The following CARMIL1 variants were observed in gnomAD, a reference collection of about 807,000 sequenced individuals.
CARMIL1 encodes capping protein regulator and myosin 1 linker 1, also known as F-actin-uncapping protein LRRC16A.
Under a neutral mutation model 177.1 loss-of-function variants are expected in CARMIL1, and 90 were observed. That is an observed-to-expected ratio of 0.51 (90% CI 0.43 to 0.61). CARMIL1 has a LOEUF of 0.61. Ranked by LOEUF, CARMIL1 falls within the 20% of genes least tolerant of loss-of-function variation. The pLI is 0.00. For missense variants in CARMIL1, 1,380 were observed against 1,667.0 expected (o/e 0.83, Z 3.00); for synonymous variants, 577 against 606.2 (o/e 0.95, Z 0.71).
intron 24 of CARMIL1, among the ~76,000 whole-genome samples, chr6:25,530,884 A>T (rs1262034907): frequency 6.6e-6 from 1 of 152,228 alleles, no homozygotes; most frequent in Admixed American, 6.5e-5. Context: ...GGGCAGCCAT[A>T]ATCACAACTT....
At chr6:25,605,970 C>A in intron 34 of CARMIL1, 91 bp from the exon 35 acceptor site, 1 of 805,722 alleles carries the variant, frequency 1.2e-6, no homozygotes, top group Non-Finnish European at 2.0e-6. Flanking sequence ...GAAACGATGG[C>A]AAATGATTAC....
intron 16 of CARMIL1, among the ~76,000 whole-genome samples, chr6:25,496,861 A>G (rs1348341564): frequency 6.6e-6 from 1 of 152,224 alleles, no homozygotes; most frequent in African/African-American, 2.4e-5. Flanking sequence ...TTACTTTTGT[A>G]TAATATAGAG....
At chr6:25,315,251 T>C (rs1383818472) in intron 2 of CARMIL1, among the ~76,000 whole-genome samples, 2 of 152,200 alleles carry the variant, frequency 1.3e-5, no homozygotes, top group Non-Finnish European at 2.9e-5. Flanking sequence ...GTCTATCCTG[T>C]TTAATCCTAG....
chr6:25,390,415 G>A lies in CARMIL1; in HGVS notation c.139-29699G>A, dbSNP rs1410531363. ...TGGCTCATTGCAACCTCTGCCTCTT[G>A]GGCTCAAGTGATCCTCCCACCTCAG... On this transcript the variant is annotated intron_variant, in intron 2 of 36. Transcript: ENST00000329474. Among the ~76,000 whole-genome samples the A allele has an allele frequency of 2.8e-5, 4 of 145,258 alleles. No individual in the cohort carries two copies. In the Admixed American group the frequency reaches 2.9e-4, roughly 10 times the overall value.
chr6:25,610,953 C>G (rs1816461844), intron 36 of CARMIL1, among the ~76,000 whole-genome samples: 1 of 152,104 alleles, frequency 6.6e-6, no homozygotes, highest in Non-Finnish European at 1.5e-5. Flanking sequence ...TGGAGCCACA[C>G]AAGTCGTCTA....
At chr6:25,307,037 C>A (rs1185042471) in intron 2 of CARMIL1, among the ~76,000 whole-genome samples, 1 of 152,048 alleles carries the variant, frequency 6.6e-6, no homozygotes, top group East Asian at 1.9e-4. Context: ...TGCCACCACG[C>A]CTGGCTAATT....
rs142278447 is a variant in CARMIL1, at chr6:25,303,598, C to G, written c.138+18689C>G. 5.8e-4 allele frequency among the ~76,000 whole-genome samples: 89 copies of G among 152,348 alleles called. 1 individual carries two copies. The highest frequency in any genetic ancestry group is 2.1e-3 in the African/African-American group (87 of 41,572). Reference sequence around the variant, plus strand: ...GCGCCAATTATCATCTCACAGGACACTGGTGTTCCAGGGAACTTGGAGAAA... The same window carrying G: ...GCGCCAATTATCATCTCACAGGACAGTGGTGTTCCAGGGAACTTGGAGAAA... On this transcript the variant is annotated intron_variant, in intron 2 of 36. Transcript: ENST00000329474.
intron 1 of CARMIL1, among the ~76,000 whole-genome samples, chr6:25,282,169 A>G (rs539297221): frequency 9.2e-5 from 14 of 151,766 alleles, no homozygotes; most frequent in Admixed American, 4.6e-4. Context: ...AAACAATTTA[A>G]ATGTAGAGAA....
intron 2 of CARMIL1, among the ~76,000 whole-genome samples, chr6:25,411,428 A>G (rs79647313): frequency 0.01 from 1,525 of 152,296 alleles, 21 homozygotes; most frequent in African/African-American, 0.033. Context: ...AAGAAGACCT[A>G]TCATTACTCT....
chr6:25,547,046 A>G (rs1033534325), intron 26 of CARMIL1, among the ~76,000 whole-genome samples: 2 of 152,190 alleles, frequency 1.3e-5, no homozygotes, highest in Non-Finnish European at 2.9e-5. Flanking sequence ...TAACAGAGCG[A>G]GACTCCATCT....
intron 29 of CARMIL1, among the ~76,000 whole-genome samples, chr6:25,559,101 A>G (rs1057032914): frequency 1.3e-5 from 2 of 152,160 alleles, no homozygotes; most frequent in Admixed American, 6.5e-5. Flanking sequence ...AGCCACCCAA[A>G]GATAGAACCT....
chr6:25,486,195 G>A (rs1347755012), intron 12 of CARMIL1, among the ~76,000 whole-genome samples: 1 of 152,130 alleles, frequency 6.6e-6, no homozygotes, highest in Admixed American at 6.5e-5. Context: ...GGCTGTAAGA[G>A]CCTTGATTTT....
At chr6:25,331,703 C>T (rs1017199273) in intron 2 of CARMIL1, among the ~76,000 whole-genome samples, 10 of 152,242 alleles carry the variant, frequency 6.6e-5, no homozygotes, top group East Asian at 1.9e-4. Context: ...TAGAAAGCTA[C>T]GTGACTGGAC....
chr6:25,310,717 A>T (rs755036653), intron 2 of CARMIL1, among the ~76,000 whole-genome samples: 10 of 152,204 alleles, frequency 6.6e-5, no homozygotes, highest in Non-Finnish European at 1.5e-4. Flanking sequence ...GAACCTAGAA[A>T]GCTGAAGATC....
At chr6:25,492,702 C>T (rs1234295808) in intron 15 of CARMIL1, among the ~76,000 whole-genome samples, 2 of 152,180 alleles carry the variant, frequency 1.3e-5, no homozygotes, top group East Asian at 3.9e-4. Context: ...TTTTAAATAA[C>T]ATGGGTATTG....
At chr6:25,601,727 C>T (rs1815423681) in intron 33 of CARMIL1, among the ~76,000 whole-genome samples, 1 of 152,112 alleles carries the variant, frequency 6.6e-6, no homozygotes, top group Non-Finnish European at 1.5e-5. Context: ...TTGCTGAGTT[C>T]CCCCCAAATC....
At position 25,352,203 on chromosome 6, in the gene CARMIL1, A is replaced by G. The variant is rs375344052; in HGVS notation, c.138+67294A>G. Among the ~76,000 whole-genome samples the G allele has an allele frequency of 9.5e-4, 144 of 152,006 alleles. 4 individuals carry two copies. In the South Asian group the frequency reaches 0.023, roughly 24 times the overall value. Reference sequence around the variant, plus strand: ...TATAGGTGACTACATAAATGACCCCAGATAACAGGAACTGGACAATGGAGG... The same window carrying G: ...TATAGGTGACTACATAAATGACCCCGGATAACAGGAACTGGACAATGGAGG... On this transcript the variant is annotated intron_variant, in intron 2 of 36. Coordinates refer to ENST00000329474, the MANE Select transcript of CARMIL1 (RefSeq NM_017640.6).
At chr6:25,446,564 G>T (rs761893836) in intron 5 of CARMIL1, among the ~76,000 whole-genome samples, 2 of 152,204 alleles carry the variant, frequency 1.3e-5, no homozygotes, top group Non-Finnish European at 2.9e-5. Flanking sequence ...TTTCATTCCA[G>T]ACCACTAAAA....
chr6:25,463,629 T>C (rs1037144316), intron 8 of CARMIL1, among the ~76,000 whole-genome samples: 1 of 152,222 alleles, frequency 6.6e-6, no homozygotes, highest in African/African-American at 2.4e-5. Context: ...TGTTGAAATA[T>C]ACAAGAGAAC....
Sources: gnomAD v4.1 joint callset for allele counts (sites outside exome capture counted in the v4.1 genomes callset) on GRCh38, gnomAD v4.1.1 for gene constraint, MANE v1.5 for transcripts, NCBI Gene and HGNC (gene_info 2026-07-23, HGNC 2026-07-21) for gene names.